TNPO3: variants seen among roughly 807,000 people sequenced by gnomAD.
TNPO3 encodes the protein transportin 3.
A neutral mutation model predicts 122.8 loss-of-function variants in TNPO3; 65 were observed. That is an observed-to-expected ratio of 0.53 (90% CI 0.43 to 0.65). The LOEUF is 0.65. TNPO3 is among the 30% of genes least tolerant of loss of function. The pLI is 0.00. For missense variants in TNPO3, 850 were observed against 1,136.7 expected, an observed-to-expected ratio of 0.75 and a Z score of 3.63; for synonymous variants, 372 against 411.2, an observed-to-expected ratio of 0.90 and a Z score of 1.15.
chr7:128,970,365 CA>C, intron 19 of TNPO3, 50 bp from the exon 20 acceptor site: 1 of 1,507,976 alleles, frequency 6.6e-7, no homozygotes. Flanking sequence ...CTCAACTTCC[CA>C]AAGACCAAGC....
At chr7:129,025,342 C>A (rs1804993752) in intron 1 of TNPO3, among the ~76,000 whole-genome samples, 2 of 61,312 alleles carry the variant, frequency 3.3e-5, no homozygotes, top group Non-Finnish European at 2.9e-5. Flanking sequence ...AAGAGTGAAA[C>A]TCTGTCACAA....
At chr7:129,027,950 T>C (rs1256656426) in intron 1 of TNPO3, among the ~76,000 whole-genome samples, 1 of 152,176 alleles carries the variant, frequency 6.6e-6, no homozygotes, top group Non-Finnish European at 1.5e-5. Flanking sequence ...AAATAAGTCT[T>C]AATAAATTTT....
intron 17 of TNPO3, 128 bp downstream of exon 17, chr7:128,975,691 T>C (rs1798979689): frequency 1.5e-6 from 1 of 652,030 alleles, no homozygotes; most frequent in African/African-American, 1.8e-5. Context: ...CTCCCTGTTA[T>C]TAGGAAATCA....
At chr7:129,054,613 G>C in intron 1 of TNPO3, 38 bp downstream of exon 1, 1 of 1,610,186 alleles carries the variant, frequency 6.2e-7, no homozygotes, top group South Asian at 1.1e-5. Flanking sequence ...ACCCCGCCCC[G>C]GCCGTGCGGC....
At chr7:128,967,851 G>T (rs1361022801) in intron 20 of TNPO3, among the ~76,000 whole-genome samples, 2 of 152,082 alleles carry the variant, frequency 1.3e-5, no homozygotes, top group Non-Finnish European at 2.9e-5. Flanking sequence ...CCAGCCTCAA[G>T]TGATCCTCCC....
intron 4 of TNPO3, among the ~76,000 whole-genome samples, chr7:129,011,431 C>T (rs942649453): frequency 6.6e-6 from 1 of 152,208 alleles, no homozygotes; most frequent in African/African-American, 2.4e-5. Flanking sequence ...GCAACCTCTG[C>T]CTCCCGGGTT....
Position 128,970,128 on chromosome 7 carries a change from C to T in TNPO3, c.2598+20G>A, listed in dbSNP as rs373575451. 5.9e-5 allele frequency: 96 copies of T among 1,613,678 alleles called. No homozygotes were observed. The highest frequency in any genetic ancestry group is 3.3e-4 in the Middle Eastern group (2 of 6,058). ...ACATTTAGGGACTATGAGATAAATTCCTCATGAAAACAATCTTACCGGTCT... is the reference window on the plus strand; with the variant it reads ...ACATTTAGGGACTATGAGATAAATTTCTCATGAAAACAATCTTACCGGTCT... On this transcript the variant is annotated intron_variant, in intron 20 of 22. Coordinates refer to ENST00000265388, the MANE Select transcript of TNPO3 (RefSeq NM_012470.4).
rs188426682 is a variant in TNPO3 at position 128,985,503 on chromosome 7, C to T, written c.1690+1226G>A. 1.7e-3 allele frequency among the ~76,000 whole-genome samples: 264 copies of T among 152,236 alleles called. 1 individual carries two copies. Among genetic ancestry groups the T allele is most frequent in the African/African-American group, 5.6e-3 (231 of 41,552 alleles). ...CCTTGCCACTTGGGAAGCTGAGACA[C>T]GAGGGTCACTTGAGTCTAGGGCTTC... On this transcript the variant is annotated intron_variant, in intron 12 of 22. Coordinates refer to ENST00000265388, the MANE Select transcript of TNPO3 (RefSeq NM_012470.4).
chr7:128,957,752 A>T (rs564402148), intron 21 of TNPO3, among the ~76,000 whole-genome samples: 3 of 152,346 alleles, frequency 2.0e-5, no homozygotes, highest in South Asian at 2.1e-4. Flanking sequence ...CTTGGTTGCT[A>T]CGGCTCTCAT....
chr7:128,981,374 C>A (rs1321160476), intron 14 of TNPO3, among the ~76,000 whole-genome samples: 1 of 152,138 alleles, frequency 6.6e-6, no homozygotes, highest in Non-Finnish European at 1.5e-5. Context: ...ACTCAAATGC[C>A]TTTTTAATCA....
At chr7:129,049,376 G>A (rs1469064015) in intron 1 of TNPO3, among the ~76,000 whole-genome samples, 5 of 152,206 alleles carry the variant, frequency 3.3e-5, no homozygotes, top group African/African-American at 9.7e-5. Context: ...AGAAGCAGCT[G>A]CATACAACCA....
At chr7:128,993,966 T>G in intron 8 of TNPO3, 52 bp from the exon 9 acceptor site, 1 of 1,489,518 alleles carries the variant, frequency 6.7e-7, no homozygotes, top group Non-Finnish European at 9.3e-7. Context: ...CGGCTTTCAA[T>G]GACCTCTATA....
chr7:129,023,529 G>A (rs1290864812), intron 1 of TNPO3, among the ~76,000 whole-genome samples: 3 of 152,052 alleles, frequency 2.0e-5, no homozygotes, highest in African/African-American at 4.8e-5. Context: ...TACACAAGAT[G>A]GGCCCATGAT....
At chr7:128,985,210 G>A (rs1034942715) in intron 12 of TNPO3, among the ~76,000 whole-genome samples, 1 of 152,098 alleles carries the variant, frequency 6.6e-6, no homozygotes, top group Admixed American at 6.6e-5. Flanking sequence ...AGCCATAGAC[G>A]AGTTAGACTT....
At chr7:129,023,785 T>C (rs962464879) in intron 1 of TNPO3, among the ~76,000 whole-genome samples, 4 of 152,216 alleles carry the variant, frequency 2.6e-5, no homozygotes, top group African/African-American at 9.7e-5. Context: ...ATATAAACTG[T>C]ACTCCTAAGT....
At chr7:128,986,632 A>G in intron 12 of TNPO3, 97 bp downstream of exon 12, 1 of 1,150,174 alleles carries the variant, frequency 8.7e-7, no homozygotes, top group Non-Finnish European at 1.2e-6. Context: ...TTAAACACTA[A>G]GTACATTGCA....
At chr7:129,042,446 G>GTA (rs1459176205) in intron 1 of TNPO3, among the ~76,000 whole-genome samples, 1 of 152,140 alleles carries the variant, frequency 6.6e-6, no homozygotes, top group Non-Finnish European at 1.5e-5. Context: ...CAACCATGTG[G>GTA]TATAGAGCTA....
chr7:128,981,944 G>A (rs1799667142), intron 14 of TNPO3, among the ~76,000 whole-genome samples: 1 of 152,066 alleles, frequency 6.6e-6, no homozygotes, highest in African/African-American at 2.4e-5. Context: ...TGCCCAGGCT[G>A]GTGTCGAACT....
At chr7:129,040,380 A>G (rs1310619236) in intron 1 of TNPO3, among the ~76,000 whole-genome samples, 1 of 152,156 alleles carries the variant, frequency 6.6e-6, no homozygotes, top group Non-Finnish European at 1.5e-5. Context: ...CACTAAAGCT[A>G]TTTTTTAAAA....
Sources: allele counts gnomAD v4.1 joint callset (sites outside exome capture counted in the v4.1 genomes callset), GRCh38; gene constraint gnomAD v4.1.1; transcripts MANE v1.5; gene names NCBI Gene and HGNC (gene_info 2026-07-23, HGNC 2026-07-21).